Variants in KLHDC3 observed in about 807,000 individuals in gnomAD.
KLHDC3 encodes kelch domain containing 3.
In KLHDC3, 5 loss-of-function variants were observed where a neutral mutation model predicts 44.1. The ratio of observed to expected loss-of-function variants is 0.11; its 90% CI spans 0.06 to 0.24. The LOEUF (loss-of-function observed/expected upper bound fraction) is 0.24, where lower values mean the gene tolerates loss of function less well. Among genes scored for constraint, KLHDC3 ranks in the 10% least tolerant of loss-of-function variants. KLHDC3 has a pLI of 1.00. For synonymous variants in KLHDC3, 170 were observed against 189.0 expected (o/e 0.90, Z 0.82); for missense variants, 247 against 514.3 (o/e 0.48, Z 5.03).
chr6:43,015,975 C>T (rs1250012081), intron 1 of KLHDC3, among the ~76,000 whole-genome samples: 2 of 151,194 alleles, frequency 1.3e-5, no homozygotes, highest in African/African-American at 2.4e-5. Flanking sequence ...CTCGCTCTGT[C>T]GCCAGACTGG....
At chr6:43,019,643 C>T (rs894255276) in intron 10 of KLHDC3, among the ~76,000 whole-genome samples, 1 of 152,186 alleles carries the variant, frequency 6.6e-6, no homozygotes, top group African/African-American at 2.4e-5. Flanking sequence ...CTGAGAACAA[C>T]TGATTAAATC....
rs759217786 is a variant in KLHDC3 at position 43,017,365 on chromosome 6, T to C, written c.154+19T>C. 1 of 1,603,702 alleles carries C rather than the reference T, an allele frequency of 6.2e-7. No individual in the cohort carries two copies. The highest frequency in any genetic ancestry group is 2.2e-5 in the East Asian group (1 of 44,724). ...AATGCAGGTAAGCCAATGCTGGGGC[T>C]GTCCCTGGGTCCCCACATCAGGGTG... On this transcript the variant is annotated intron_variant, in intron 2 of 10. Transcript: ENST00000326974. This position sits in a 1 kb window ranked among gnomAD's most constrained non-coding sequence, Gnocchi z 6.0.
intron 1 of KLHDC3, among the ~76,000 whole-genome samples, chr6:43,014,970 T>TG (rs1158883877): frequency 6.6e-6 from 1 of 152,180 alleles, no homozygotes; most frequent in Admixed American, 6.5e-5. Flanking sequence ...CCTGAGCGCC[T>TG]GGGGGCTTGT....
chr6:43,014,733 C>G lies in KLHDC3; in HGVS notation c.-60+385C>G, dbSNP rs578059560. 1.7e-3 allele frequency: 679 copies of G among 397,222 alleles called. 10 individuals carry two copies. Among genetic ancestry groups the G allele is most frequent in the South Asian group, 0.012 (659 of 56,452 alleles). 24.6% of individuals were successfully genotyped at this position (397,222 alleles called of 1,614,324 possible). A position where few individuals can be genotyped will look rare whatever the true frequency, so the allele number is the denominator to read the frequency against. On this transcript the variant is annotated intron_variant, in intron 1 of 10. Transcript: ENST00000326974. ...TCGTGGTCAGTGCATGCTAATTTTT[C>G]TTTCCTTAGTGGAGGTGGGAAAATG...
At position 43,020,758 on chromosome 6, in the gene KLHDC3, C is replaced by T. The variant is rs778641311; in HGVS notation, c.*25C>T. 11 of 1,582,614 alleles carry T rather than the reference C, an allele frequency of 7.0e-6. No homozygotes were observed. The Admixed American group carries it at 1.2e-4, about 17-fold the overall frequency. The stretch of plus-strand genomic sequence containing the variant: ...GGAGGAAGTTTCTGCCACCTCCCCT[C>T]CTGAGCCTGCTGTCATCTTCACTGC... On this transcript the variant is annotated 3_prime_UTR_variant, in exon 11 of 11. Coordinates refer to ENST00000326974, the MANE Select transcript of KLHDC3 (RefSeq NM_057161.4).
chr6:43,019,310 C>G lies in KLHDC3; in HGVS notation c.1026C>G (p.Cys342Trp). ...AAGGCCCTAGTCTGAAGACTCTGTG[C>G]AAACTGGCCGTGATTCAGTATAACC... The part of the protein sequence containing the change: ...LDFSPSLKTL[C>W]KLAVIQYNLD... The change falls in exon 10 of 11, where the codon TGC becomes TGG. Residue 342 changes from cysteine to tryptophan, a missense_variant. Physicochemically the swap from Cys to Trp is radical, Grantham distance 215 (BLOSUM62 -2). Around this residue, in one of 2 missense-constraint regions of KLHDC3, gnomAD observed 176 missense variants for 413.5 expected, o/e 0.43. Coordinates refer to ENST00000326974, the MANE Select transcript of KLHDC3 (RefSeq NM_057161.4). 1 of 1,613,650 alleles carries G rather than the reference C, an allele frequency of 6.2e-7. No individual in the cohort carries two copies. The highest frequency in any genetic ancestry group is 8.5e-7 in the Non-Finnish European group (1 of 1,179,578).
At position 43,017,804 on chromosome 6, in the gene KLHDC3, GGACTGT is replaced by G. The variant is rs771530538; in HGVS notation, c.332-48_332-43del. ...AGTAGAGTACCCCAGAGCTGAGGAGGGACTGTCATAGAGGGTGCTTAGTTGAGCCAT... is the reference window on the plus strand; with the variant it reads ...AGTAGAGTACCCCAGAGCTGAGGAGGCATAGAGGGTGCTTAGTTGAGCCAT... On this transcript the variant is annotated intron_variant, in intron 3 of 10. Coordinates refer to ENST00000326974, the MANE Select transcript of KLHDC3 (RefSeq NM_057161.4). The surrounding 1 kb of genome is among the most constrained non-coding windows in gnomAD (Gnocchi z 6.0). 45 of 1,587,608 alleles carry G rather than the reference GGACTGT, an allele frequency of 2.8e-5. No individual in the cohort carries two copies. In the African/African-American group the frequency reaches 4.7e-4, roughly 17 times the overall value.
In KLHDC3 at chr6:43,017,984, AAAT is replaced by A; in HGVS notation, c.447+19_447+21del. On this transcript the variant is annotated intron_variant, in intron 4 of 10. Coordinates refer to ENST00000326974, the MANE Select transcript of KLHDC3 (RefSeq NM_057161.4). This position sits in a 1 kb window ranked among gnomAD's most constrained non-coding sequence, Gnocchi z 6.0. ...CGAGCAGCAGGTAGGTCTGGGAATAAAATAAGAGGTTTAGGGTGGGACTGAGAA... is the reference window on the plus strand; with the variant it reads ...CGAGCAGCAGGTAGGTCTGGGAATAAAAGAGGTTTAGGGTGGGACTGAGAA... The A allele has an allele frequency of 1.3e-6, 2 of 1,597,124 alleles. No homozygotes were observed. The highest frequency in any genetic ancestry group is 1.7e-6 in the Non-Finnish European group (2 of 1,164,590).
rs1328217085 is a variant in KLHDC3 at position 43,018,748 on chromosome 6, C to T, written c.820+29C>T. 1.3e-6 allele frequency: 2 copies of T among 1,599,294 alleles called. No individual in the cohort carries two copies. The highest frequency in any genetic ancestry group is 3.3e-5 in the Admixed American group (2 of 59,988). On this transcript the variant is annotated intron_variant, in intron 7 of 10. Coordinates refer to ENST00000326974, the MANE Select transcript of KLHDC3 (RefSeq NM_057161.4). This position sits in a 1 kb window ranked among gnomAD's most constrained non-coding sequence, Gnocchi z 6.0. ...AAGAGCACTGCATTTAGGGCAGGAA[C>T]AAGGAGCAATTGAGGTGGGAGGAAA...
Position 43,016,642 on chromosome 6 carries a change from T to C in KLHDC3, c.-59-492T>C, listed in dbSNP as rs1438379444. 4 of 155,212 alleles carry C rather than the reference T, an allele frequency of 2.6e-5. No individual in the cohort carries two copies. The East Asian group carries it at 7.6e-4, about 30-fold the overall frequency. The allele number at this position is 155,212 out of a possible 1,614,324, so 9.6% of individuals were successfully genotyped here. A position where few individuals can be genotyped will look rare whatever the true frequency, so the allele number is the denominator to read the frequency against. ...CACTCTAAAAGCCTGAAAGCTTTTC[T>C]GCTTTGAGGCACTCATGCCAGCTTT... On this transcript the variant is annotated intron_variant, in intron 1 of 10. Transcript: ENST00000326974.
rs2150291778 is a variant in KLHDC3 at position 43,017,950 on chromosome 6, T to G, written c.429T>G (p.Phe143Leu). The change falls in exon 4 of 11, where the codon TTT (phenylalanine) becomes TTG (leucine). Residue 143 changes from phenylalanine to leucine, a missense_variant. Coordinates refer to ENST00000326974, the MANE Select transcript of KLHDC3 (RefSeq NM_057161.4). The surrounding 1 kb of genome is among the most constrained non-coding windows in gnomAD (Gnocchi z 6.0). The stretch of plus-strand genomic sequence containing the variant: ...TCCTAGGCAAGATCATGTACATTTT[T>G]GGGGGCTACGAGCAGCAGGTAGGTC... ...ACVLGKIMYI[F>L]GGYEQQADCF... 1 of 1,613,866 alleles carries G rather than the reference T, an allele frequency of 6.2e-7. No individual in the cohort carries two copies. The highest frequency in any genetic ancestry group is 8.5e-7 in the Non-Finnish European group (1 of 1,179,810).
At position 43,014,287 on chromosome 6, in the gene KLHDC3, A is replaced by G; in HGVS notation, c.-121A>G. On this transcript the variant is annotated 5_prime_UTR_variant, in exon 1 of 11. Coordinates refer to ENST00000326974, the MANE Select transcript of KLHDC3 (RefSeq NM_057161.4). ...GGGACTAAGGCGTCGGTTGGCGCGC[A>G]ACGGGTTCTAGGCTGCAGGCAGCTC... 1 of 752,944 alleles carries G rather than the reference A, an allele frequency of 1.3e-6. No homozygotes were observed. The highest frequency in any genetic ancestry group is 1.9e-5 in the South Asian group (1 of 52,166). The allele number at this position is 752,944 out of a possible 1,614,324, so 46.6% of individuals were successfully genotyped here.
rs771211821 is a variant in KLHDC3, at chr6:43,018,474, A to G, written c.651A>G (p.Arg217=). The G allele has an allele frequency of 1.9e-6, 3 of 1,614,188 alleles. No individual in the cohort carries two copies. The highest frequency in any genetic ancestry group is 2.2e-5 in the East Asian group (1 of 44,878). The change falls in exon 6 of 11, where the codon CGA becomes CGG. Residue 217 remains arginine (R), a synonymous_variant. Transcript: ENST00000326974. The surrounding 1 kb of genome is among the most constrained non-coding windows in gnomAD (Gnocchi z 6.0). ...ATGAGATTTACTGCAACCGCATTCG[A>G]GTCTTTGACACCAGAACTGAGGCTT... The part of the protein sequence containing the change: ...SNNEIYCNRI[R]VFDTRTEAWL...
chr6:43,018,523 G>A lies in KLHDC3; in HGVS notation c.700G>A (p.Val234Met). The A allele has an allele frequency of 6.2e-7, 1 of 1,614,184 alleles. No individual in the cohort carries two copies. Among genetic ancestry groups the A allele is most frequent in the Non-Finnish European group, 8.5e-7 (1 of 1,180,042 alleles). The change falls in exon 6 of 11, where the codon GTG (valine) becomes ATG (methionine). Residue 234 changes from valine to methionine, a missense_variant. Physicochemically the swap from Val to Met is conservative, Grantham distance 21. Transcript: ENST00000326974. The surrounding 1 kb of genome is among the most constrained non-coding windows in gnomAD (Gnocchi z 6.0). ...EAWLDCPPTP[V>M]LPEGRRSHSA... ...TTGGCTGGACTGTCCCCCGACTCCA[G>A]TGCTGCCTGAGGGGCGCCGGAGCCA...
In KLHDC3 at chr6:43,018,135, T is replaced by TA; in HGVS notation, c.448-10_448-9insA. On this transcript the variant is annotated splice_polypyrimidine_tract_variant and intron_variant, in intron 4 of 10. Transcript: ENST00000326974. The surrounding 1 kb of genome is among the most constrained non-coding windows in gnomAD (Gnocchi z 6.0). ...CCCTCTTTTCTTCCTCCTTTTCTCT[T>TA]CCTACTCAGGCGGACTGTTTTTCCA... 1 of 1,597,718 alleles carries TA rather than the reference T, an allele frequency of 6.3e-7. No individual in the cohort carries two copies. Among genetic ancestry groups the TA allele is most frequent in the Non-Finnish European group, 8.6e-7 (1 of 1,165,238 alleles).
rs1762595026 is a variant in KLHDC3 at position 43,017,029 on chromosome 6, G to A, written c.-59-105G>A. ...CCCCTGTGGAGGGGTAGTGTGGGAG[G>A]GCCCCCAGGGTGACACTTGGAGGCA... On this transcript the variant is annotated intron_variant, in intron 1 of 10. Coordinates refer to ENST00000326974, the MANE Select transcript of KLHDC3 (RefSeq NM_057161.4). The surrounding 1 kb of genome is among the most constrained non-coding windows in gnomAD (Gnocchi z 6.0). 1 of 773,386 alleles carries A rather than the reference G, an allele frequency of 1.3e-6. No homozygotes were observed. Among genetic ancestry groups the A allele is most frequent in the South Asian group, 1.7e-5 (1 of 59,530 alleles). The allele number at this position is 773,386 out of a possible 1,614,324, so 47.9% of individuals were successfully genotyped here.
intron 1 of KLHDC3, 61 bp downstream of exon 1, chr6:43,014,409 A>T: frequency 1.4e-5 from 6 of 428,782 alleles, no homozygotes; most frequent in Non-Finnish European, 2.2e-5. Flanking sequence ...TGCTGTCTGG[A>T]GCTGGAGTGG....
Position 43,017,444 on chromosome 6 carries a change from G to A in KLHDC3, c.155-75G>A, listed in dbSNP as rs1762603832. On this transcript the variant is annotated intron_variant, in intron 2 of 10. Coordinates refer to ENST00000326974, the MANE Select transcript of KLHDC3 (RefSeq NM_057161.4). The surrounding 1 kb of genome is among the most constrained non-coding windows in gnomAD (Gnocchi z 6.0). ...TGGTCTCTGGGACCAAGGGGATTGGGGACAAACATCTGGTTTGGGAAAAGT... is the reference window on the plus strand; with the variant it reads ...TGGTCTCTGGGACCAAGGGGATTGGAGACAAACATCTGGTTTGGGAAAAGT... The A allele has an allele frequency of 1.2e-5, 18 of 1,562,906 alleles. No homozygotes were observed. In the Admixed American group the frequency reaches 3.2e-4, roughly 28 times the overall value.
chr6:43,016,816 GT>G (rs926609763), intron 1 of KLHDC3: 2 of 235,888 alleles, frequency 8.5e-6, no homozygotes, highest in African/African-American at 4.5e-5. Flanking sequence ...GGGGCTTCAA[GT>G]TTGTGCCAAG....
Sources: gnomAD v4.1 joint callset for allele counts (sites outside exome capture counted in the v4.1 genomes callset) on GRCh38, gnomAD v4.1.1 for gene constraint, gnomAD v4.1.1 regional missense constraint, Gnocchi (gnomAD v3.1) non-coding constraint, MANE v1.5 for transcripts, NCBI Gene and HGNC (gene_info 2026-07-23, HGNC 2026-07-21) for gene names.